The following GPC5 variants were observed in gnomAD, a reference collection of about 807,000 sequenced individuals.
GPC5 encodes glypican 5, also known as glypican-5.
Under a neutral mutation model 53.9 loss-of-function variants are expected in GPC5, and 47 were observed. The observed-to-expected ratio is 0.87, with a 90% CI of 0.69 to 1.11. The LOEUF (loss-of-function observed/expected upper bound fraction) is 1.11, where lower values mean the gene tolerates loss of function less well. GPC5 is among the 50% of genes most tolerant of loss of function. GPC5 has a pLI of 0.00. For synonymous variants in GPC5, 286 were observed against 263.3 expected (o/e 1.09, Z -0.84); for missense variants, 748 against 713.1 (o/e 1.05, Z -0.56).
intron 7 of GPC5, among the ~76,000 whole-genome samples, chr13:92,198,551 G>A (rs1593986645): frequency 1.3e-5 from 2 of 152,136 alleles, no homozygotes; most frequent in Non-Finnish European, 2.9e-5. Flanking sequence ...GATTAATGTG[G>A]ACTGATGTGG....
At chr13:92,759,478 T>C (rs1234380965) in intron 7 of GPC5, among the ~76,000 whole-genome samples, 2 of 152,100 alleles carry the variant, frequency 1.3e-5, no homozygotes, top group Admixed American at 6.5e-5. Flanking sequence ...TTTTATACTA[T>C]GATAAATGAG....
chr13:91,571,985 A>G (rs1363912167), intron 2 of GPC5, among the ~76,000 whole-genome samples: 1 of 144,346 alleles, frequency 6.9e-6, no homozygotes, highest in Non-Finnish European at 1.5e-5. Context: ...ATATATGTAT[A>G]TATGTGTATA....
intron 7 of GPC5, among the ~76,000 whole-genome samples, chr13:92,146,075 T>C (rs1482937251): frequency 6.6e-6 from 1 of 152,142 alleles, no homozygotes; most frequent in Non-Finnish European, 1.5e-5. Context: ...TGTTTTCTCA[T>C]TAGACACAGT....
rs560168432 is a variant in GPC5 at position 91,829,492 on chromosome 13, G to T, written c.1280+73072G>T. Among the ~76,000 whole-genome samples the T allele has an allele frequency of 1.1e-4, 16 of 152,128 alleles. No homozygotes were observed. The East Asian group carries it at 3.1e-3, about 29-fold the overall frequency. On this transcript the variant is annotated intron_variant, in intron 5 of 7. Coordinates refer to ENST00000377067, the MANE Select transcript of GPC5 (RefSeq NM_004466.6). ...TGGTTTTGATAATTATTGTGTGATT[G>T]AATATGAAAATTTCCTTGTTCTTAG...
intron 5 of GPC5, among the ~76,000 whole-genome samples, chr13:91,841,834 C>T (rs1187190972): frequency 6.6e-6 from 1 of 152,130 alleles, no homozygotes; most frequent in Non-Finnish European, 1.5e-5. Flanking sequence ...AGTCTTGGAG[C>T]ATATGGGCAG....
chr13:91,679,168 CATTTATTT>C (rs10669196), intron 2 of GPC5, among the ~76,000 whole-genome samples: 20 of 150,904 alleles, frequency 1.3e-4, no homozygotes, highest in South Asian at 4.2e-4. Flanking sequence ...AAGAAATCAA[CATTTATTT>C]ATTTATTTAT....
At chr13:92,326,496 A>G (rs926741829) in intron 7 of GPC5, among the ~76,000 whole-genome samples, 1 of 152,076 alleles carries the variant, frequency 6.6e-6, no homozygotes, top group Admixed American at 6.6e-5. Context: ...TCATAAATCT[A>G]TTAGTCTTTG....
intron 7 of GPC5, among the ~76,000 whole-genome samples, chr13:92,442,252 A>G (rs1171748104): frequency 6.6e-6 from 1 of 152,180 alleles, no homozygotes; most frequent in Non-Finnish European, 1.5e-5. Flanking sequence ...AATTTATGAG[A>G]TAATATCCAA....
In GPC5 at chr13:92,780,387, A is replaced by G. The variant is rs555452046; in HGVS notation, c.1562-85895A>G. Among the ~76,000 whole-genome samples the G allele has an allele frequency of 7.0e-5, 10 of 142,396 alleles. No individual in the cohort carries two copies. The East Asian group carries it at 2.0e-3, about 29-fold the overall frequency. The allele number at this position is 142,396 out of a possible 152,430, so 93.4% of individuals were successfully genotyped here. A position where few individuals can be genotyped will look rare whatever the true frequency, so the allele number is the denominator to read the frequency against. ...CACTTAATATAATTAAGTGTAATTT[A>G]TATTTAACTTAATATAATTAAGTGT... On this transcript the variant is annotated intron_variant, in intron 7 of 7. Coordinates refer to ENST00000377067, the MANE Select transcript of GPC5 (RefSeq NM_004466.6).
chr13:91,861,969 A>G (rs2039034776), intron 5 of GPC5, among the ~76,000 whole-genome samples: 1 of 151,500 alleles, frequency 6.6e-6, no homozygotes, highest in African/African-American at 2.4e-5. Context: ...TATTCCCTCT[A>G]TGTCCTTTGT....
intron 5 of GPC5, among the ~76,000 whole-genome samples, chr13:91,884,266 T>C (rs1248570136): frequency 6.6e-6 from 1 of 152,170 alleles, no homozygotes; most frequent in Admixed American, 6.5e-5. Flanking sequence ...CTCAAAGGAA[T>C]AGAAATTGTT....
chr13:91,470,285 A>G (rs583001), intron 2 of GPC5, among the ~76,000 whole-genome samples: 45,330 of 152,152 alleles, frequency 0.3, 8,119 homozygotes, highest in Non-Finnish European at 0.39. Context: ...GCTCTCTACA[A>G]GGCCTGTCTG....
At chr13:91,689,918 A>G (rs2035720602) in intron 2 of GPC5, among the ~76,000 whole-genome samples, 1 of 152,224 alleles carries the variant, frequency 6.6e-6, no homozygotes, top group African/African-American at 2.4e-5. Context: ...ACACCCAGTA[A>G]CAAAGTTGTT....
chr13:92,514,960 A>C (rs1880715415), intron 7 of GPC5, among the ~76,000 whole-genome samples: 1 of 152,146 alleles, frequency 6.6e-6, no homozygotes, highest in Non-Finnish European at 1.5e-5. Flanking sequence ...TGACTGGCAG[A>C]CTCCACAGAA....
At position 91,504,362 on chromosome 13, in the gene GPC5, AT is replaced by A. The variant is rs1366103567; in HGVS notation, c.325+55442del. 3.3e-5 allele frequency among the ~76,000 whole-genome samples: 5 copies of A among 152,190 alleles called. No homozygotes were observed. The East Asian group carries it at 9.6e-4, about 29-fold the overall frequency. The stretch of plus-strand genomic sequence containing the variant: ...CAGGAAGAATATCAGGAATTCCATA[AT>A]TGTTATTCATTAATAACATTATTCT... On this transcript the variant is annotated intron_variant, in intron 2 of 7. Coordinates refer to ENST00000377067, the MANE Select transcript of GPC5 (RefSeq NM_004466.6).
rs1388992014 is a variant in GPC5, at chr13:91,730,201, A to C, written c.1154+1536A>C. 2.0e-5 allele frequency among the ~76,000 whole-genome samples: 3 copies of C among 152,318 alleles called. No homozygotes were observed. In the East Asian group the frequency reaches 5.8e-4, roughly 29 times the overall value. On this transcript the variant is annotated intron_variant, in intron 4 of 7. Coordinates refer to ENST00000377067, the MANE Select transcript of GPC5 (RefSeq NM_004466.6). ...TATTACCACTCTTTAGAGGGGCTTC[A>C]TTGCCATGGCATTATATTTCTGCTA...
chr13:92,271,037 T>A (rs1328982730), intron 7 of GPC5, among the ~76,000 whole-genome samples: 1 of 152,218 alleles, frequency 6.6e-6, no homozygotes. Context: ...TGAGGTCTAC[T>A]GGGAGTTTGG....
chr13:91,778,443 A>T (rs760657303), intron 5 of GPC5, among the ~76,000 whole-genome samples: 5 of 152,100 alleles, frequency 3.3e-5, no homozygotes, highest in African/African-American at 1.2e-4. Flanking sequence ...TCCTCCTTCC[A>T]TCTCCATTCT....
intron 7 of GPC5, among the ~76,000 whole-genome samples, chr13:92,681,469 G>A (rs1029268511): frequency 6.6e-6 from 1 of 151,338 alleles, no homozygotes; most frequent in African/African-American, 2.4e-5. Flanking sequence ...CTCCTACCCT[G>A]GCCTCCACCA....
Sources: allele counts gnomAD v4.1 joint callset (sites outside exome capture counted in the v4.1 genomes callset), GRCh38; gene constraint gnomAD v4.1.1; transcripts MANE v1.5; gene names NCBI Gene and HGNC (gene_info 2026-07-23, HGNC 2026-07-21).